Variants in SH3GL2 observed in about 807,000 individuals in gnomAD.
SH3GL2 encodes the protein SH3 domain containing GRB2 like 2, endophilin A1, also known as endophilin-A1.
Under a neutral mutation model 46.0 loss-of-function variants are expected in SH3GL2, and 24 were observed. The observed-to-expected ratio is 0.52, with a 90% CI of 0.38 to 0.73. The LOEUF (loss-of-function observed/expected upper bound fraction) is 0.73. Ranked by LOEUF, SH3GL2 falls within the 30% of genes least tolerant of loss-of-function variation. The pLI, the probability that SH3GL2 is intolerant of heterozygous loss-of-function variation, is 0.00. For missense variants in SH3GL2, 413 were observed against 424.2 expected (o/e 0.97, Z 0.23); for synonymous variants, 196 against 147.1 (o/e 1.33, Z -2.40).
Position 17,791,354 on chromosome 9 carries a change from A to G in SH3GL2, c.728+20A>G, listed in dbSNP as rs1824124373. On this transcript the variant is annotated intron_variant, in intron 7 of 8. Coordinates refer to ENST00000380607, the MANE Select transcript of SH3GL2 (RefSeq NM_003026.5). ...AGAAAGGTATTCTACAGTTCCCTGC[A>G]TTTCACATTTGCATTTTATTGCTAT... is the stretch of plus-strand genomic sequence containing the variant. 1 of 1,450,942 alleles carries G rather than the reference A, an allele frequency of 6.9e-7. No homozygotes were observed. Among genetic ancestry groups the G allele is most frequent in the Non-Finnish European group, 9.7e-7 (1 of 1,031,666 alleles). 89.9% of individuals were successfully genotyped at this position (1,450,942 alleles called of 1,614,324 possible).
At chr9:17,675,067 C>G (rs145671278) in intron 1 of SH3GL2, among the ~76,000 whole-genome samples, 1 of 152,178 alleles carries the variant, frequency 6.6e-6, no homozygotes, top group Non-Finnish European at 1.5e-5. Flanking sequence ...CTTACTAGAA[C>G]TGAATTGACG....
chr9:17,669,070 CTGTTTA>C (rs1820410300), intron 1 of SH3GL2, among the ~76,000 whole-genome samples: 1 of 152,114 alleles, frequency 6.6e-6, no homozygotes, highest in Non-Finnish European at 1.5e-5. Context: ...GTCCGTTTCT[CTGTTTA>C]TGTAATACCA....
chr9:17,734,747 A>G (rs989656431), intron 1 of SH3GL2, among the ~76,000 whole-genome samples: 4 of 152,132 alleles, frequency 2.6e-5, no homozygotes, highest in African/African-American at 9.7e-5. Context: ...TGTCCATAGT[A>G]GGTAAATCCA....
chr9:17,776,627 TTATGTTA>T (rs1447125445), intron 3 of SH3GL2, among the ~76,000 whole-genome samples: 2 of 151,878 alleles, frequency 1.3e-5, no homozygotes, highest in African/African-American at 2.4e-5. Flanking sequence ...TATGAGTGTG[TTATGTTA>T]TTCTTTGTAC....
At chr9:17,741,817 T>G (rs137949005) in intron 1 of SH3GL2, among the ~76,000 whole-genome samples, 2,203 of 152,266 alleles carry the variant, frequency 0.014, 25 homozygotes, top group Middle Eastern at 0.044. Flanking sequence ...CAACGAGTAG[T>G]TCGTTCCAGG....
Position 17,716,218 on chromosome 9 carries a change from AT to A in SH3GL2, c.46-30842del, listed in dbSNP as rs1821754295. Among the ~76,000 whole-genome samples the A allele has an allele frequency of 3.3e-5, 5 of 151,774 alleles. No homozygotes were observed. The South Asian group carries it at 1.0e-3, about 31-fold the overall frequency. ...TTGCTTTTTGTCATTTGGATCTTTT[AT>A]TTTTTGCTTCTTTGCAATGCCTAAT... On this transcript the variant is annotated intron_variant, in intron 1 of 8. Coordinates refer to ENST00000380607, the MANE Select transcript of SH3GL2 (RefSeq NM_003026.5).
intron 1 of SH3GL2, among the ~76,000 whole-genome samples, chr9:17,714,946 G>A (rs1400751362): frequency 6.6e-6 from 1 of 151,698 alleles, no homozygotes; most frequent in Non-Finnish European, 1.5e-5. Context: ...TTATATGTCT[G>A]AAAGTAAGTC....
intron 1 of SH3GL2, among the ~76,000 whole-genome samples, chr9:17,675,869 C>T (rs199949857): frequency 1.2e-3 from 178 of 152,208 alleles, no homozygotes; most frequent in African/African-American, 3.9e-3. Context: ...CACGTGAACC[C>T]GGGAGGTGGA....
chr9:17,666,545 C>CGTGTGTGTGTGTGT (rs71331502), intron 1 of SH3GL2, among the ~76,000 whole-genome samples: 5 of 142,046 alleles, frequency 3.5e-5, no homozygotes, highest in South Asian at 2.3e-4. Flanking sequence ...ACAAAGGTAA[C>CGTGTGTGTGTGTGT]GTGTGTGTGT....
intron 1 of SH3GL2, among the ~76,000 whole-genome samples, chr9:17,632,663 C>A (rs1588190074): frequency 6.6e-6 from 1 of 152,114 alleles, no homozygotes; most frequent in Admixed American, 6.5e-5. Context: ...GTTTTTATGG[C>A]CCTGAAATAA....
At chr9:17,711,558 A>G (rs1821625040) in intron 1 of SH3GL2, among the ~76,000 whole-genome samples, 1 of 151,820 alleles carries the variant, frequency 6.6e-6, no homozygotes, top group Non-Finnish European at 1.5e-5. Context: ...GATACCTGTA[A>G]TCATATAATA....
At chr9:17,697,141 G>T (rs1821223566) in intron 1 of SH3GL2, among the ~76,000 whole-genome samples, 1 of 152,128 alleles carries the variant, frequency 6.6e-6, no homozygotes, top group Non-Finnish European at 1.5e-5. Flanking sequence ...TGGATAGATT[G>T]ATTGCTAACA....
In SH3GL2 at chr9:17,685,125, G is replaced by C. The variant is rs190221204; in HGVS notation, c.46-61941G>C. ...GAAACAGAACCAGTGGAATGGACAGGTGTGTGTGTGTTTATGTCTGTGGGT... is the reference window on the plus strand; with the variant it reads ...GAAACAGAACCAGTGGAATGGACAGCTGTGTGTGTGTTTATGTCTGTGGGT... On this transcript the variant is annotated intron_variant, in intron 1 of 8. Coordinates refer to ENST00000380607, the MANE Select transcript of SH3GL2 (RefSeq NM_003026.5). Among the ~76,000 whole-genome samples the C allele has an allele frequency of 3.2e-4, 48 of 152,132 alleles. 1 individual carries two copies. The highest frequency in any genetic ancestry group is 1.1e-3 in the African/African-American group (47 of 41,544).
intron 1 of SH3GL2, among the ~76,000 whole-genome samples, chr9:17,662,859 G>A (rs1056409742): frequency 8.5e-5 from 13 of 152,112 alleles, no homozygotes; most frequent in Admixed American, 7.2e-4. Context: ...ACAGGCATCC[G>A]CCACCACGCC....
chr9:17,725,408 G>A (rs1359830506), intron 1 of SH3GL2, among the ~76,000 whole-genome samples: 3 of 152,112 alleles, frequency 2.0e-5, no homozygotes, highest in African/African-American at 7.2e-5. Flanking sequence ...CTGTTATCAT[G>A]AAGCTACCAG....
chr9:17,768,248 G>A (rs1459138634), intron 3 of SH3GL2, among the ~76,000 whole-genome samples: 2 of 151,636 alleles, frequency 1.3e-5, no homozygotes, highest in East Asian at 1.9e-4. Flanking sequence ...GTGGGCACCT[G>A]TAATCCCAGC....
chr9:17,694,328 A>G (rs181464482), intron 1 of SH3GL2, among the ~76,000 whole-genome samples: 125 of 152,250 alleles, frequency 8.2e-4, no homozygotes, highest in African/African-American at 2.8e-3. Context: ...AGAAAGAGAG[A>G]GCAAATCTTG....
intron 1 of SH3GL2, among the ~76,000 whole-genome samples, chr9:17,688,877 A>G (rs915466673): frequency 2.0e-5 from 3 of 152,096 alleles, no homozygotes; most frequent in African/African-American, 7.2e-5. Context: ...CTTCCTGTGC[A>G]GAGGAATTGC....
intron 1 of SH3GL2, among the ~76,000 whole-genome samples, chr9:17,585,170 G>A (rs1818350195): frequency 6.6e-6 from 1 of 152,120 alleles, no homozygotes; most frequent in Admixed American, 6.6e-5. Flanking sequence ...CAACCCGAGG[G>A]CTTTCTTCAG....
Sources: allele counts gnomAD v4.1 joint callset (sites outside exome capture counted in the v4.1 genomes callset), GRCh38; gene constraint gnomAD v4.1.1; transcripts MANE v1.5; gene names NCBI Gene and HGNC (gene_info 2026-07-23, HGNC 2026-07-21).